SCARA5: variants seen among roughly 807,000 people sequenced by gnomAD.
SCARA5 encodes the protein scavenger receptor class A member 5, also known as scavenger receptor class A, member 5 (putative).
Under a neutral mutation model 46.3 loss-of-function variants are expected in SCARA5, and 45 were observed. That is an observed-to-expected ratio of 0.97 (90% CI 0.76 to 1.24). The LOEUF (loss-of-function observed/expected upper bound fraction) is 1.24. Among genes scored for constraint, SCARA5 ranks in the 50% most tolerant of loss-of-function variants. The probability of loss-of-function intolerance (pLI) is 0.00; values close to 1 mark genes in which losing one functional copy is unlikely to be tolerated. For synonymous variants in SCARA5, 333 were observed against 306.5 expected (o/e 1.09, Z -0.90); for missense variants, 680 against 689.0 (o/e 0.99, Z 0.15).
At chr8:27,945,364 T>A (rs191332477) in intron 3 of SCARA5, among the ~76,000 whole-genome samples, 82 of 152,284 alleles carry the variant, frequency 5.4e-4, no homozygotes, top group African/African-American at 1.8e-3. Flanking sequence ...CTTTAAAAAC[T>A]GATGTCAAGC....
At chr8:27,921,175 C>T (rs1807577649) in intron 4 of SCARA5, among the ~76,000 whole-genome samples, 1 of 152,194 alleles carries the variant, frequency 6.6e-6, no homozygotes, top group Non-Finnish European at 1.5e-5. Flanking sequence ...CTAGAGGAGC[C>T]CCTCTCTACT....
intron 6 of SCARA5, among the ~76,000 whole-genome samples, chr8:27,905,146 C>A (rs2685368): frequency 0.55 from 82,800 of 151,660 alleles, 23,473 homozygotes; most frequent in Non-Finnish European, 0.63. Flanking sequence ...TAGAGGTCCA[C>A]ATCCAAGTTT....
At chr8:27,953,053 C>A (rs1329933373) in intron 3 of SCARA5, among the ~76,000 whole-genome samples, 2 of 152,234 alleles carry the variant, frequency 1.3e-5, no homozygotes, top group Non-Finnish European at 2.9e-5. Context: ...GCCTGCCCTG[C>A]ATCCTTTCTC....
intron 3 of SCARA5, among the ~76,000 whole-genome samples, chr8:27,963,220 C>A (rs1192826846): frequency 6.6e-6 from 1 of 152,176 alleles, no homozygotes; most frequent in African/African-American, 2.4e-5. Flanking sequence ...AGACTGAGCT[C>A]CCTCTGACCC....
At chr8:27,944,394 G>C (rs1807999820) in intron 3 of SCARA5, among the ~76,000 whole-genome samples, 1 of 152,112 alleles carries the variant, frequency 6.6e-6, no homozygotes, top group Non-Finnish European at 1.5e-5. Flanking sequence ...GGTGAAGTTT[G>C]CAACTCACTG....
In SCARA5 at chr8:27,870,170, G is replaced by A. The variant is rs1236744673; in HGVS notation, c.*1764C>T. On this transcript the variant is annotated 3_prime_UTR_variant, in exon 9 of 9. Transcript: ENST00000354914. ...GATAACTGGATTCTTTGCCAGAACC[G>A]GGTTGGGAATTTAGTTTGTTCAATG... The A allele has an allele frequency of 4.0e-5, 6 of 151,644 alleles. No individual in the cohort carries two copies. Among genetic ancestry groups the A allele is most frequent in the Non-Finnish European group, 8.8e-5 (6 of 67,972 alleles). 9.4% of individuals were successfully genotyped at this position (151,644 alleles called of 1,614,324 possible). A position where few individuals can be genotyped will look rare whatever the true frequency, so the allele number is the denominator to read the frequency against.
chr8:27,982,244 GAA>G (rs1230554504), intron 2 of SCARA5, among the ~76,000 whole-genome samples: 1 of 152,046 alleles, frequency 6.6e-6, no homozygotes, highest in African/African-American at 2.4e-5. Context: ...CTGGCCCTCG[GAA>G]AGTGCTGTGG....
intron 7 of SCARA5, among the ~76,000 whole-genome samples, chr8:27,895,375 G>A (rs768230473): frequency 1.5e-4 from 23 of 152,290 alleles, no homozygotes; most frequent in Non-Finnish European, 2.4e-4. Context: ...GAAGGACAGG[G>A]GCCATCCCAA....
At chr8:27,965,108 C>T (rs1808348381) in intron 3 of SCARA5, among the ~76,000 whole-genome samples, 1 of 152,172 alleles carries the variant, frequency 6.6e-6, no homozygotes. Flanking sequence ...CTGTTGGCTG[C>T]CCCTCAGGTT....
chr8:27,979,669 T>C (rs1348656977), intron 2 of SCARA5, among the ~76,000 whole-genome samples: 7 of 152,000 alleles, frequency 4.6e-5, no homozygotes, highest in African/African-American at 1.7e-4. Context: ...TTCTCCTGCC[T>C]CATTCTCCCA....
chr8:27,978,461 C>A (rs1328018146), intron 2 of SCARA5, among the ~76,000 whole-genome samples: 1 of 152,042 alleles, frequency 6.6e-6, no homozygotes, highest in Non-Finnish European at 1.5e-5. Context: ...AAATCTAAAT[C>A]CCATGTTCAA....
chr8:27,986,639 T>C (rs924611288), intron 2 of SCARA5, among the ~76,000 whole-genome samples: 3 of 150,720 alleles, frequency 2.0e-5, no homozygotes, highest in African/African-American at 7.3e-5. Context: ...GCCACCACGG[T>C]TCTTTCCCTA....
chr8:27,896,357 C>A (rs1807063898), intron 7 of SCARA5, among the ~76,000 whole-genome samples: 1 of 152,142 alleles, frequency 6.6e-6, no homozygotes, highest in Non-Finnish European at 1.5e-5. Flanking sequence ...AGTTCTCCTC[C>A]TCCTCTATGT....
Position 27,922,051 on chromosome 8 carries a change from C to G in SCARA5, c.436G>C (p.Val146Leu), listed in dbSNP as rs771782666. 2.9e-5 allele frequency: 45 copies of G among 1,577,366 alleles called. 1 individual carries two copies. The South Asian group carries it at 4.8e-4, about 17-fold the overall frequency. Residue 146 changes from valine to leucine, a missense_variant, in exon 4 of 9, where the codon GTG becomes CTG. This residue lies in a region of SCARA5 where 438 missense variants were observed against 384.5 expected (regional missense o/e 1.14). Transcript: ENST00000354914. The stretch of plus-strand genomic sequence containing the variant: ...CACAGCGCGCCCTCCAGCCGCTGCA[C>G]TGCGCCCGCCAGCGCCAGCAACGAG... ...SDSLLALAGA[V>L]QRLEGALWGL...
At chr8:27,930,682 G>A (rs576391491) in intron 3 of SCARA5, among the ~76,000 whole-genome samples, 6 of 152,312 alleles carry the variant, frequency 3.9e-5, no homozygotes, top group Admixed American at 1.3e-4. Flanking sequence ...GATTACAGGC[G>A]TGAGCCACCG....
chr8:27,912,636 C>T (rs562221055), intron 4 of SCARA5, among the ~76,000 whole-genome samples: 2 of 152,350 alleles, frequency 1.3e-5, no homozygotes, highest in East Asian at 1.9e-4. Context: ...TAGATCTCTG[C>T]TGCTGGGCTG....
chr8:27,913,859 A>G (rs1438313709), intron 4 of SCARA5, among the ~76,000 whole-genome samples: 2 of 152,202 alleles, frequency 1.3e-5, no homozygotes, highest in African/African-American at 2.4e-5. Flanking sequence ...CATGGTCACC[A>G]ACTTTCCTCC....
chr8:27,991,339 C>G (rs1327366620), intron 1 of SCARA5, among the ~76,000 whole-genome samples: 6 of 152,244 alleles, frequency 3.9e-5, no homozygotes, highest in Non-Finnish European at 7.3e-5. Flanking sequence ...CCAGCATCTT[C>G]TGACTCTGCC....
intron 7 of SCARA5, among the ~76,000 whole-genome samples, chr8:27,887,210 A>G (rs1806910863): frequency 6.6e-6 from 1 of 152,260 alleles, no homozygotes; most frequent in Admixed American, 6.5e-5. Flanking sequence ...CCTCCTTGGC[A>G]TCATACCACA....
Sources: gnomAD v4.1 joint callset for allele counts (sites outside exome capture counted in the v4.1 genomes callset) on GRCh38, gnomAD v4.1.1 for gene constraint, gnomAD v4.1.1 regional missense constraint, MANE v1.5 for transcripts, NCBI Gene and HGNC (gene_info 2026-07-23, HGNC 2026-07-21) for gene names.